Variants in DLGAP2 observed in about 807,000 individuals in gnomAD.
The protein encoded by DLGAP2 is DLG associated protein 2, also known as disks large-associated protein 2.
In DLGAP2, 26 loss-of-function variants were observed where a neutral mutation model predicts 100.3. That is an observed-to-expected ratio of 0.26 (90% confidence interval 0.19 to 0.36). The LOEUF (loss-of-function observed/expected upper bound fraction) is 0.36. Ranked by LOEUF, DLGAP2 falls within the 10% of genes least tolerant of loss-of-function variation. The probability of loss-of-function intolerance (pLI) is 1.00; values close to 1 mark genes in which losing one functional copy is unlikely to be tolerated. For missense variants in DLGAP2, 1,858 were observed against 1,453.2 expected, an observed-to-expected ratio of 1.28 and a Z score of -4.53; for synonymous variants, 886 against 630.1, an observed-to-expected ratio of 1.41 and a Z score of -6.08.
chr8:1,189,365 C>G, intron 2 of DLGAP2, among the ~76,000 whole-genome samples: 1 of 152,344 alleles, frequency 6.6e-6, no homozygotes, highest in Non-Finnish European at 1.5e-5. Context: ...ATAGGTCAAC[C>G]TGGTCCCTAA....
At chr8:1,329,935 A>G (rs1243866829) in intron 3 of DLGAP2, among the ~76,000 whole-genome samples, 6 of 152,150 alleles carry the variant, frequency 3.9e-5, no homozygotes, top group African/African-American at 1.4e-4. Flanking sequence ...GTGCAGTAGA[A>G]CCCCAGAGCT....
intron 2 of DLGAP2, among the ~76,000 whole-genome samples, chr8:996,135 C>G (rs550966145): frequency 6.6e-6 from 1 of 152,184 alleles, no homozygotes; most frequent in Non-Finnish European, 1.5e-5. Context: ...AGGGACCACT[C>G]CCCTCTGTTC....
intron 4 of DLGAP2, among the ~76,000 whole-genome samples, chr8:1,538,359 A>G (rs1235114672): frequency 6.6e-6 from 1 of 152,182 alleles, no homozygotes; most frequent in East Asian, 1.9e-4. Context: ...TGCCCCCAAA[A>G]GGCTGGGCAC....
chr8:781,725 C>T (rs1014147125), intron 1 of DLGAP2, among the ~76,000 whole-genome samples: 4 of 152,124 alleles, frequency 2.6e-5, no homozygotes, highest in Non-Finnish European at 5.9e-5. Flanking sequence ...TCACACAAAG[C>T]ACATGAAAAA....
At chr8:918,665 A>G (rs900568591) in intron 2 of DLGAP2, among the ~76,000 whole-genome samples, 7 of 152,174 alleles carry the variant, frequency 4.6e-5, no homozygotes, top group African/African-American at 1.7e-4. Flanking sequence ...TGTTTCTGGG[A>G]AGACAATTGT....
At chr8:1,150,968 G>A (rs1009328558) in intron 2 of DLGAP2, among the ~76,000 whole-genome samples, 2 of 152,052 alleles carry the variant, frequency 1.3e-5, no homozygotes, top group African/African-American at 2.4e-5. Flanking sequence ...TCTGTTTTTT[G>A]TATGTTTGCA....
intron 3 of DLGAP2, among the ~76,000 whole-genome samples, chr8:1,339,632 T>A (rs550409925): frequency 6.6e-6 from 1 of 152,350 alleles, no homozygotes; most frequent in African/African-American, 2.4e-5. Context: ...TTCACATGGG[T>A]TATCTCATGT....
At chr8:1,113,839 T>C (rs1243682090) in intron 2 of DLGAP2, among the ~76,000 whole-genome samples, 1 of 152,228 alleles carries the variant, frequency 6.6e-6, no homozygotes, top group Non-Finnish European at 1.5e-5. Flanking sequence ...GGGGATGTCA[T>C]AGATGGCTCT....
intron 2 of DLGAP2, among the ~76,000 whole-genome samples, chr8:1,252,499 C>G (rs1438266133): frequency 6.6e-6 from 1 of 152,154 alleles, no homozygotes; most frequent in African/African-American, 2.4e-5. Context: ...GTGTCACAGT[C>G]ACGTCATCAC....
intron 2 of DLGAP2, among the ~76,000 whole-genome samples, chr8:1,183,971 T>C (rs192205745): frequency 1.3e-4 from 20 of 152,338 alleles, no homozygotes; most frequent in Admixed American, 1.0e-3. Context: ...GTAAAAATGA[T>C]ATTTGGCCAA....
chr8:818,845 A>G (rs1049695604), intron 1 of DLGAP2, among the ~76,000 whole-genome samples: 1 of 152,248 alleles, frequency 6.6e-6, no homozygotes, highest in South Asian at 2.1e-4. Flanking sequence ...TTTGAAAATC[A>G]AGATAAATGA....
chr8:1,650,737 G>C (rs1798142742), intron 8 of DLGAP2, among the ~76,000 whole-genome samples: 1 of 150,136 alleles, frequency 6.7e-6, no homozygotes, highest in Non-Finnish European at 1.5e-5. Context: ...TGCTGGAGCA[G>C]AGGTGGGAGG....
At chr8:1,560,277 C>T (rs1028733832) in intron 5 of DLGAP2, among the ~76,000 whole-genome samples, 1 of 152,188 alleles carries the variant, frequency 6.6e-6, no homozygotes, top group Non-Finnish European at 1.5e-5. Context: ...GCTTTTCCCC[C>T]TCATGAGCAT....
At chr8:1,588,526 G>A (rs6558489) in intron 6 of DLGAP2, among the ~76,000 whole-genome samples, 79,884 of 151,882 alleles carry the variant, frequency 0.53, 21,802 homozygotes, top group African/African-American at 0.68. Context: ...TTATTCATTC[G>A]GTAAGTAAAT....
At chr8:1,156,922 C>T (rs1310649064) in intron 2 of DLGAP2, among the ~76,000 whole-genome samples, 2 of 152,134 alleles carry the variant, frequency 1.3e-5, no homozygotes, top group African/African-American at 4.8e-5. Context: ...CTCAGGGTTC[C>T]CAGTCGGTCC....
chr8:1,164,304 G>GCC (rs1563224449), intron 2 of DLGAP2, among the ~76,000 whole-genome samples: 7 of 100,760 alleles, frequency 6.9e-5, no homozygotes, highest in Admixed American at 1.1e-4. Flanking sequence ...GCCCCCCAGG[G>GCC]TTTGTTTTTG....
chr8:1,689,759 G>A (rs1799209784), intron 12 of DLGAP2, among the ~76,000 whole-genome samples: 1 of 152,180 alleles, frequency 6.6e-6, no homozygotes, highest in Non-Finnish European at 1.5e-5. Context: ...GTGATGGGGA[G>A]ACGTGGTGTG....
intron 13 of DLGAP2, among the ~76,000 whole-genome samples, chr8:1,693,299 C>T (rs1307900232): frequency 1.3e-5 from 2 of 149,256 alleles, no homozygotes; most frequent in African/African-American, 4.9e-5. Flanking sequence ...CACATGCATA[C>T]ATATACATTC....
chr8:897,990 C>G (rs541864015), intron 1 of DLGAP2, among the ~76,000 whole-genome samples: 16 of 152,260 alleles, frequency 1.1e-4, no homozygotes, highest in South Asian at 2.1e-4. Flanking sequence ...TCCTGCCTGG[C>G]ACCCTGAGCT....
Sources: gnomAD v4.1 joint callset for allele counts (sites outside exome capture counted in the v4.1 genomes callset) on GRCh38, gnomAD v4.1.1 for gene constraint, MANE v1.5 for transcripts, NCBI Gene and HGNC (gene_info 2026-07-23, HGNC 2026-07-21) for gene names.